The following POLI variants were observed in gnomAD, a reference collection of about 807,000 sequenced individuals.
The protein encoded by POLI is DNA polymerase iota, also known as RAD30 homolog B.
Under a neutral mutation model 51.6 loss-of-function variants are expected in POLI, and 58 were observed. The observed-to-expected ratio is 1.12, with a 90% CI of 0.91 to 1.40. The LOEUF is 1.40. Ranked by LOEUF, POLI falls within the 40% of genes most tolerant of loss-of-function variation. The pLI, the probability that POLI is intolerant of heterozygous loss-of-function variation, is 0.00. For missense variants in POLI, 921 were observed against 871.3 expected (o/e 1.06, Z -0.72); for synonymous variants, 322 against 299.7 (o/e 1.07, Z -0.77).
chr18:54,293,914 G>A lies in POLI; in HGVS notation c.1670G>A (p.Ser557Asn). 5.0e-6 allele frequency: 8 copies of A among 1,613,168 alleles called. No individual in the cohort carries two copies. Among genetic ancestry groups the A allele is most frequent in the Non-Finnish European group, 6.8e-6 (8 of 1,179,376 alleles). ...AGGGAAAAATTTCAAGGGAAAGGAA[G>A]TGTGAGTTGTCCATTACATGCCTCT... ...KSREKFQGKG[S>N]VSCPLHASRG... Residue 557 changes from serine to asparagine, a missense_variant, in exon 10 of 10, where the codon AGT (serine) becomes AAT (asparagine). Physicochemically the swap from Ser to Asn is conservative, Grantham distance 46 (BLOSUM62 1). Coordinates refer to ENST00000579534, the MANE Select transcript of POLI (RefSeq NM_007195.3).
intron 3 of POLI, among the ~76,000 whole-genome samples, chr18:54,276,899 A>G (rs909441672): frequency 6.6e-6 from 1 of 152,252 alleles, no homozygotes; most frequent in African/African-American, 2.4e-5. Context: ...GCATTTTTGT[A>G]TACTAAGAGA....
Position 54,311,169 on chromosome 18 carries a change from C to T in POLI, c.334-9104C>T, listed in dbSNP as rs752758500. On this transcript the variant is annotated intron_variant, in intron 3 of 4. Coordinates refer to the POLI transcript ENST00000579823. ...GAAATCTGGAAAGCTGGAGAAGTTA[C>T]TGACAATTGTAACCCAGTGATAAGG... The T allele has an allele frequency of 2.8e-5, 25 of 900,070 alleles. No homozygotes were observed. The African/African-American group carries it at 4.0e-4, about 14-fold the overall frequency. 55.8% of individuals were successfully genotyped at this position (900,070 alleles called of 1,614,324 possible). A position where few individuals can be genotyped will look rare whatever the true frequency, so the allele number is the denominator to read the frequency against.
chr18:54,269,771 T>G, intron 1 of POLI, 110 bp downstream of exon 1: 1 of 1,391,762 alleles, frequency 7.2e-7, no homozygotes. Flanking sequence ...CCCGCCCCAC[T>G]CGGCTCCTCT....
chr18:54,301,339 CA>C (rs930560328), downstream of POLI, among the ~76,000 whole-genome samples: 11 of 150,234 alleles, frequency 7.3e-5, no homozygotes, highest in Non-Finnish European at 1.2e-4. Flanking sequence ...AATGAACATA[CA>C]AAAAAAAATC....
At chr18:54,314,476 G>T (rs2088707002) in intron 3 of POLI, among the ~76,000 whole-genome samples, 2 of 152,104 alleles carry the variant, frequency 1.3e-5, no homozygotes, top group African/African-American at 4.8e-5. Flanking sequence ...TCAGGACGAT[G>T]TTTGTTTCAT....
chr18:54,287,638 G>A, intron 8 of POLI: 1 of 328,914 alleles, frequency 3.0e-6, no homozygotes, highest in Non-Finnish European at 5.8e-6. Flanking sequence ...GAAGTGCAGT[G>A]GTGCTGTGAT....
chr18:54,319,870 CAAAG>C (rs776835450), intron 3 of POLI, among the ~76,000 whole-genome samples: 1 of 152,038 alleles, frequency 6.6e-6, no homozygotes. Flanking sequence ...ATTTGTAAGA[CAAAG>C]AAAAAACTTA....
chr18:54,318,078 G>A (rs2088756689), intron 3 of POLI, among the ~76,000 whole-genome samples: 1 of 152,094 alleles, frequency 6.6e-6, no homozygotes, highest in Non-Finnish European at 1.5e-5. Flanking sequence ...TATAGTATAT[G>A]CCTTGAAGCT....
At position 54,297,293 on chromosome 18, in the gene POLI, T is replaced by TG. The variant is rs994125374; in HGVS notation, c.*2826_*2827insG. The TG allele has an allele frequency of 6.1e-5, 59 of 964,878 alleles. No homozygotes were observed. The highest frequency in any genetic ancestry group is 6.9e-5 in the Non-Finnish European group (56 of 812,232). 59.8% of individuals were successfully genotyped at this position (964,878 alleles called of 1,614,324 possible). A position where few individuals can be genotyped will look rare whatever the true frequency, so the allele number is the denominator to read the frequency against. On this transcript the variant is annotated 3_prime_UTR_variant, in exon 10 of 10. Transcript: ENST00000579534. ...TGTTTCAGCTCGAGTTTGTTGTTGT[T>TG]TTTTTTTTTTCCTGTTTCTGTCTTG...
Position 54,293,952 on chromosome 18 carries a change from T to C in POLI, c.1708T>C (p.Ser570Pro), listed in dbSNP as rs1323115199. The change falls in exon 10 of 10, where the codon TCT (serine) becomes CCT (proline). Residue 570 changes from serine to proline, a missense_variant. Transcript: ENST00000579534. ...CPLHASRGVL[S>P]FFSKKQMQDI... The stretch of plus-strand genomic sequence containing the variant: ...ATTACATGCCTCTAGAGGAGTATTA[T>C]CTTTCTTTTCTAAAAAACAAATGCA... The C allele has an allele frequency of 3.1e-6, 5 of 1,612,602 alleles. No individual in the cohort carries two copies. Among genetic ancestry groups the C allele is most frequent in the Admixed American group, 1.7e-5 (1 of 59,902 alleles).
chr18:54,308,275 T>G (rs1387796342), intron 3 of POLI, among the ~76,000 whole-genome samples: 1 of 152,210 alleles, frequency 6.6e-6, no homozygotes, highest in Non-Finnish European at 1.5e-5. Context: ...AAGGCAGGCC[T>G]GGTGGTGACA....
Position 54,295,840 on chromosome 18 carries a change from C to T in POLI, c.*1373C>T. 5.2e-6 allele frequency: 2 copies of T among 388,092 alleles called. No individual in the cohort carries two copies. The highest frequency in any genetic ancestry group is 7.0e-6 in the Non-Finnish European group (2 of 283,998). 24.0% of individuals were successfully genotyped at this position (388,092 alleles called of 1,614,324 possible). A position where few individuals can be genotyped will look rare whatever the true frequency, so the allele number is the denominator to read the frequency against. On this transcript the variant is annotated 3_prime_UTR_variant, in exon 10 of 10. Coordinates refer to ENST00000579534, the MANE Select transcript of POLI (RefSeq NM_007195.3). Reference sequence around the variant, plus strand: ...ATGACATTTCACCATATTGGCCAGGCTGGTCTCGAACTCCTGGTCTCAGGT... The same window carrying T: ...ATGACATTTCACCATATTGGCCAGGTTGGTCTCGAACTCCTGGTCTCAGGT...
Position 54,293,701 on chromosome 18 carries a change from G to A in POLI, c.1457G>A (p.Arg486Gln), listed in dbSNP as rs775065553. 41 of 1,596,424 alleles carry A rather than the reference G, an allele frequency of 2.6e-5. No homozygotes were observed. In the South Asian group the frequency reaches 2.9e-4, roughly 11 times the overall value. Reference sequence around the variant, plus strand: ...TTTCCCAAAGACAAAGAAACAAACCGGGATTTCCTACCAAGTGGAAGAATT... The same window carrying A: ...TTTCCCAAAGACAAAGAAACAAACCAGGATTTCCTACCAAGTGGAAGAATT... ...EDFPKDKETN[R>Q]DFLPSGRIES... The change falls in exon 10 of 10, where the codon CGG becomes CAG. Residue 486 changes from arginine (R) to glutamine (Q), a missense_variant. By Grantham distance (43) the Arg-to-Gln change is conservative. Coordinates refer to ENST00000579534, the MANE Select transcript of POLI (RefSeq NM_007195.3).
chr18:54,283,853 T>C, intron 6 of POLI, 69 bp from the exon 7 acceptor site: 1 of 610,418 alleles, frequency 1.6e-6, no homozygotes, highest in Non-Finnish European at 2.9e-6. Context: ...TTTATTTGAC[T>C]GTACACTGAT....
At chr18:54,307,921 T>C (rs2088615327) in intron 3 of POLI, among the ~76,000 whole-genome samples, 1 of 149,056 alleles carries the variant, frequency 6.7e-6, no homozygotes, top group Non-Finnish European at 1.5e-5. Context: ...TTTTTTTTGC[T>C]TACCATTTAC....
chr18:54,279,236 C>CTTGTCT (rs2087385224), intron 4 of POLI, among the ~76,000 whole-genome samples: 1 of 126,268 alleles, frequency 7.9e-6, no homozygotes, highest in East Asian at 2.1e-4. Context: ...CCCATTATGT[C>CTTGTCT]TTTTCTTTTT....
intron 9 of POLI, among the ~76,000 whole-genome samples, chr18:54,293,323 T>C (rs904945975): frequency 2.6e-5 from 4 of 152,040 alleles, no homozygotes; most frequent in Non-Finnish European, 4.4e-5. Flanking sequence ...TGAACTTGCT[T>C]TTCTAGGCCG....
intron 3 of POLI, among the ~76,000 whole-genome samples, chr18:54,315,167 A>G (rs2088717637): frequency 6.6e-6 from 1 of 151,952 alleles, no homozygotes; most frequent in Admixed American, 6.6e-5. Context: ...CTATGTCTCT[A>G]TTTTATTAAT....
chr18:54,280,720 G>C lies in POLI; in HGVS notation c.613G>C (p.Ala205Pro), dbSNP rs562481498. The C allele has an allele frequency of 1.2e-6, 2 of 1,613,696 alleles. No homozygotes were observed. Among genetic ancestry groups the C allele is most frequent in the Non-Finnish European group, 1.7e-6 (2 of 1,179,710 alleles). Residue 205 changes from alanine (A) to proline (P), a missense_variant, in exon 5 of 10, where the codon GCA becomes CCA. Transcript: ENST00000579534. ...CAGACTACTTGTTGGATCTCAGATT[G>C]CAGCAGAGATGCGGGAAGCCATGTA... The part of the protein sequence containing the change: ...HIRLLVGSQI[A>P]AEMREAMYNQ...
Sources: allele counts gnomAD v4.1 joint callset (sites outside exome capture counted in the v4.1 genomes callset), GRCh38; gene constraint gnomAD v4.1.1; transcripts MANE v1.5; gene names NCBI Gene and HGNC (gene_info 2026-07-23, HGNC 2026-07-21).